OTULINL: variants seen among roughly 807,000 people sequenced by gnomAD.
OTULINL encodes the protein OTU deubiquitinase with linear linkage specificity like.
In OTULINL, 42 loss-of-function variants were observed where a neutral mutation model predicts 43.9. The observed-to-expected ratio is 0.96, with a 90% CI of 0.75 to 1.24. The LOEUF (loss-of-function observed/expected upper bound fraction) is 1.24, where lower values mean the gene tolerates loss of function less well. Ranked by LOEUF, OTULINL falls within the 50% of genes most tolerant of loss-of-function variation. The pLI, the probability that OTULINL is intolerant of heterozygous loss-of-function variation, is 0.00. For missense variants in OTULINL, 411 were observed against 426.4 expected (o/e 0.96, Z 0.32); for synonymous variants, 172 against 153.6 (o/e 1.12, Z -0.88).
rs535731863 is a variant in OTULINL, at chr5:14,609,832, G to A, written c.898-309G>A. On this transcript the variant is annotated intron_variant, in intron 7 of 7. Coordinates refer to ENST00000274217, the MANE Select transcript of OTULINL (RefSeq NM_019018.3). Reference sequence around the variant, plus strand: ...TTTTTAGTAGAGACGGGGTTTCACCGTGTTTTCGATCTCCTGACCTCGTGA... The same window carrying A: ...TTTTTAGTAGAGACGGGGTTTCACCATGTTTTCGATCTCCTGACCTCGTGA... 7.9e-5 allele frequency among the ~76,000 whole-genome samples: 12 copies of A among 152,146 alleles called. No homozygotes were observed. In the East Asian group the frequency reaches 1.2e-3, roughly 15 times the overall value.
At chr5:14,607,013 G>T (rs31973) in intron 5 of OTULINL, among the ~76,000 whole-genome samples, 3 of 152,154 alleles carry the variant, frequency 2.0e-5, no homozygotes, top group Admixed American at 2.0e-4. Context: ...CAGATTGCTT[G>T]AGGTCAGGAG....
intron 1 of OTULINL, among the ~76,000 whole-genome samples, chr5:14,599,915 T>C (rs1759354954): frequency 6.6e-6 from 1 of 152,238 alleles, no homozygotes; most frequent in Admixed American, 6.5e-5. Flanking sequence ...TGGTCTACTT[T>C]CTGGAAATGA....
chr5:14,585,522 T>C (rs950521754), intron 1 of OTULINL, among the ~76,000 whole-genome samples: 5 of 152,234 alleles, frequency 3.3e-5, no homozygotes, highest in Non-Finnish European at 7.3e-5. Context: ...GGCTCGGGTC[T>C]CAAGGTAGAC....
intron 5 of OTULINL, among the ~76,000 whole-genome samples, chr5:14,606,508 G>A (rs1021512733): frequency 6.6e-5 from 10 of 152,226 alleles, no homozygotes; most frequent in African/African-American, 2.2e-4. Context: ...TGATGGATTA[G>A]ACTCTTACAT....
intron 1 of OTULINL, among the ~76,000 whole-genome samples, chr5:14,589,801 A>C (rs1448077948): frequency 1.3e-5 from 2 of 152,108 alleles, no homozygotes; most frequent in African/African-American, 4.8e-5. Context: ...AAAATACAAA[A>C]ATTAGCCAGG....
Position 14,600,294 on chromosome 5 carries a change from T to A in OTULINL, c.65-671T>A, listed in dbSNP as rs1759363001. Reference sequence around the variant, plus strand: ...TCCCCTTCTGCCATGATTGTAAGTTTCCTGAGACATCCTCAGCCATGCTGA... The same window carrying A: ...TCCCCTTCTGCCATGATTGTAAGTTACCTGAGACATCCTCAGCCATGCTGA... On this transcript the variant is annotated intron_variant, in intron 1 of 7. Coordinates refer to ENST00000274217, the MANE Select transcript of OTULINL (RefSeq NM_019018.3). 5.9e-5 allele frequency among the ~76,000 whole-genome samples: 9 copies of A among 152,368 alleles called. No individual in the cohort carries two copies. The South Asian group carries it at 8.3e-4, about 14-fold the overall frequency.
In OTULINL at chr5:14,607,464, T is replaced by C. The variant is rs781131462; in HGVS notation, c.627+6T>C. On this transcript the variant is annotated splice_donor_region_variant and intron_variant, in intron 6 of 7. Transcript: ENST00000274217. ...TGGAATTATTGAAAACACAGGTAAGTGTTTGCGGGGGAAATAAAAAGACTA... is the reference window on the plus strand; with the variant it reads ...TGGAATTATTGAAAACACAGGTAAGCGTTTGCGGGGGAAATAAAAAGACTA... 1.4e-5 allele frequency: 23 copies of C among 1,613,038 alleles called. No individual in the cohort carries two copies. The highest frequency in any genetic ancestry group is 1.8e-5 in the Non-Finnish European group (21 of 1,179,736).
rs1185760289 is a variant in OTULINL at position 14,582,074 on chromosome 5, TG to T, written c.64+121del. ...CTCGGCGGCCACCTTCGCTGCCTGT[TG>T]GGGGCTGGGAATCCTGGAGCCCGGG... On this transcript the variant is annotated intron_variant, in intron 1 of 7. Transcript: ENST00000274217. The T allele has an allele frequency of 7.5e-5, 50 of 670,406 alleles. No homozygotes were observed. The Middle Eastern group carries it at 2.2e-3, about 30-fold the overall frequency. The allele number at this position is 670,406 out of a possible 1,614,324, so 41.5% of individuals were successfully genotyped here. A position where few individuals can be genotyped will look rare whatever the true frequency, so the allele number is the denominator to read the frequency against.
At chr5:14,598,058 A>T (rs762163796) in intron 1 of OTULINL, among the ~76,000 whole-genome samples, 1 of 152,214 alleles carries the variant, frequency 6.6e-6, no homozygotes, top group Non-Finnish European at 1.5e-5. Context: ...CCTGTGCTCA[A>T]GAGAGATGGC....
Position 14,581,964 on chromosome 5 carries a change from C to G in OTULINL, c.64+6C>G, listed in dbSNP as rs1759007342. The G allele has an allele frequency of 5.3e-6, 7 of 1,309,676 alleles. No homozygotes were observed. Among genetic ancestry groups the G allele is most frequent in the Non-Finnish European group, 6.8e-6 (7 of 1,032,918 alleles). 81.1% of individuals were successfully genotyped at this position (1,309,676 alleles called of 1,614,324 possible). ...GTCTGGCGCTCCCGCCGCAGGTGAG[C>G]CTGGGGCCGGGCGGGGCGGGGCGGG... On this transcript the variant is annotated splice_donor_region_variant and intron_variant, in intron 1 of 7. Coordinates refer to ENST00000274217, the MANE Select transcript of OTULINL (RefSeq NM_019018.3).
intron 5 of OTULINL, among the ~76,000 whole-genome samples, chr5:14,605,116 C>A (rs1179113653): frequency 2.0e-5 from 3 of 152,228 alleles, no homozygotes; most frequent in Non-Finnish European, 4.4e-5. Flanking sequence ...GCCTGGACAT[C>A]AAGGCATTTC....
chr5:14,586,574 A>G (rs535659567), intron 1 of OTULINL, among the ~76,000 whole-genome samples: 9 of 152,234 alleles, frequency 5.9e-5, no homozygotes, highest in Non-Finnish European at 1.2e-4. Context: ...TGATTTAACC[A>G]TGTTACTATG....
chr5:14,600,375 T>C (rs1343983590), intron 1 of OTULINL, among the ~76,000 whole-genome samples: 2 of 152,242 alleles, frequency 1.3e-5, no homozygotes, highest in African/African-American at 4.8e-5. Flanking sequence ...CGGGTATGTC[T>C]TTATTAGCAG....
intron 1 of OTULINL, among the ~76,000 whole-genome samples, chr5:14,591,564 G>A (rs1241540578): frequency 6.6e-6 from 1 of 152,160 alleles, no homozygotes; most frequent in Non-Finnish European, 1.5e-5. Context: ...AGGAGTAAAG[G>A]CGGTAGTAGG....
In OTULINL at chr5:14,615,665, C is replaced by T. The variant is rs748705893; in HGVS notation, c.*5351C>T. Among the ~76,000 whole-genome samples the T allele has an allele frequency of 7.4e-4, 113 of 152,168 alleles. No individual in the cohort carries two copies. Among genetic ancestry groups the T allele is most frequent in the African/African-American group, 2.1e-3 (89 of 41,470 alleles). The stretch of plus-strand genomic sequence containing the variant: ...TCTGTTATGAAAAGCTACCTTTAGC[C>T]GTAGATAAACATTAAAAGGAAGACT... On this transcript the variant is annotated 3_prime_UTR_variant, in exon 8 of 8. Transcript: ENST00000274217.
At chr5:14,590,342 A>T (rs925044624) in intron 1 of OTULINL, among the ~76,000 whole-genome samples, 1 of 152,202 alleles carries the variant, frequency 6.6e-6, no homozygotes, top group African/African-American at 2.4e-5. Context: ...AGCCAGGGCC[A>T]GGGTCCTGGG....
rs761326940 is a variant in OTULINL, at chr5:14,612,621, CAAATT to C, written c.*2310_*2314del. ...TTATTCAGTTGTATAATGAATATAA[CAAATT>C]AAGTAGCCAGAAGGAGCTGCATGTA... On this transcript the variant is annotated 3_prime_UTR_variant, in exon 8 of 8. Transcript: ENST00000274217. 8 of 152,238 alleles carry C rather than the reference CAAATT, an allele frequency of 5.3e-5. No homozygotes were observed. In the South Asian group the frequency reaches 8.3e-4, roughly 16 times the overall value. The allele number at this position is 152,238 out of a possible 1,614,324, so 9.4% of individuals were successfully genotyped here.
Position 14,601,350 on chromosome 5 carries a change from G to A in OTULINL, c.257-1G>A, listed in dbSNP as rs1311529399. On this transcript the variant is annotated splice_acceptor_variant, in intron 3 of 7. Coordinates refer to ENST00000274217, the MANE Select transcript of OTULINL (RefSeq NM_019018.3). LOFTEE classifies it high-confidence loss of function. ...AGCTTTTTATTTTTTATTTGGTCCA[G>A]GGAACCTCAGTGTGGAGGCAGAGGT... 1 of 1,613,880 alleles carries A rather than the reference G, an allele frequency of 6.2e-7. No homozygotes were observed. The highest frequency in any genetic ancestry group is 2.2e-5 in the East Asian group (1 of 44,886).
At position 14,614,801 on chromosome 5, in the gene OTULINL, C is replaced by A. The variant is rs1759644326; in HGVS notation, c.*4487C>A. 1 of 398,498 alleles carries A rather than the reference C, an allele frequency of 2.5e-6. No homozygotes were observed. The highest frequency in any genetic ancestry group is 4.4e-5 in the Admixed American group (1 of 22,714). 24.7% of individuals were successfully genotyped at this position (398,498 alleles called of 1,614,324 possible). A position where few individuals can be genotyped will look rare whatever the true frequency, so the allele number is the denominator to read the frequency against. On this transcript the variant is annotated 3_prime_UTR_variant, in exon 8 of 8. Coordinates refer to ENST00000274217, the MANE Select transcript of OTULINL (RefSeq NM_019018.3). ...TGCTATAGAATGCTAAAGTTATAATCCTAGCTGGTGTCTCGTTCTGTTTAA... is the reference window on the plus strand; with the variant it reads ...TGCTATAGAATGCTAAAGTTATAATACTAGCTGGTGTCTCGTTCTGTTTAA...
Sources: gnomAD v4.1 joint callset for allele counts (sites outside exome capture counted in the v4.1 genomes callset) on GRCh38, gnomAD v4.1.1 for gene constraint, MANE v1.5 for transcripts, NCBI Gene and HGNC (gene_info 2026-07-23, HGNC 2026-07-21) for gene names.